The following RNF220 variants were observed in gnomAD, a reference collection of about 807,000 sequenced individuals.
The protein encoded by RNF220 is E3 ubiquitin-protein ligase RNF220.
In RNF220, 7 loss-of-function variants were observed where a neutral mutation model predicts 67.1. The ratio of observed to expected loss-of-function variants is 0.10; its 90% confidence interval spans 0.06 to 0.20. RNF220 has a LOEUF of 0.20. Among genes scored for constraint, RNF220 ranks in the 10% least tolerant of loss-of-function variants. RNF220 has a pLI of 1.00. For synonymous variants in RNF220, 270 were observed against 283.2 expected (o/e 0.95, Z 0.47); for missense variants, 565 against 740.3 (o/e 0.76, Z 2.75).
At chr1:44,566,496 G>A (rs1269176349) in intron 2 of RNF220, among the ~76,000 whole-genome samples, 1 of 152,216 alleles carries the variant, frequency 6.6e-6, no homozygotes, top group African/African-American at 2.4e-5. Context: ...CTGGCTGTCA[G>A]AGTCCCTCTG....
chr1:44,541,060 G>A (rs1434501325), intron 2 of RNF220, among the ~76,000 whole-genome samples: 3 of 152,178 alleles, frequency 2.0e-5, no homozygotes, highest in African/African-American at 7.2e-5. Flanking sequence ...ACAACTGAGA[G>A]GTAGGTATCC....
chr1:44,490,062 T>G (rs1656712653), intron 2 of RNF220, among the ~76,000 whole-genome samples: 1 of 152,254 alleles, frequency 6.6e-6, no homozygotes, highest in Non-Finnish European at 1.5e-5. Context: ...ATCTTTGAAT[T>G]TCTATATTAT....
intron 2 of RNF220, among the ~76,000 whole-genome samples, chr1:44,460,204 T>G (rs1158760494): frequency 6.6e-6 from 1 of 152,204 alleles, no homozygotes; most frequent in Non-Finnish European, 1.5e-5. Flanking sequence ...TTAGAGGGCA[T>G]TAATTCACTG....
intron 2 of RNF220, among the ~76,000 whole-genome samples, chr1:44,498,420 T>C (rs1047543703): frequency 1.3e-5 from 2 of 152,184 alleles, no homozygotes; most frequent in African/African-American, 4.8e-5. Context: ...TGTAGGGCTC[T>C]GTATACCCCA....
chr1:44,483,674 G>A (rs1442609652), intron 2 of RNF220, among the ~76,000 whole-genome samples: 1 of 152,192 alleles, frequency 6.6e-6, no homozygotes, highest in East Asian at 1.9e-4. Context: ...GGAGCTATGA[G>A]AACATAGCGG....
At position 44,546,727 on chromosome 1, in the gene RNF220, C is replaced by T. The variant is rs762924214; in HGVS notation, c.626-67438C>T. Reference sequence around the variant, plus strand: ...ACCTCGGGCATCACTCCTGACCCCTCGCTGGCACCCCAAAGCTGGGACTTC... The same window carrying T: ...ACCTCGGGCATCACTCCTGACCCCTTGCTGGCACCCCAAAGCTGGGACTTC... On this transcript the variant is annotated intron_variant, in intron 2 of 14. Coordinates refer to ENST00000361799, the MANE Select transcript of RNF220 (RefSeq NM_018150.4). 4.0e-4 allele frequency among the ~76,000 whole-genome samples: 61 copies of T among 152,312 alleles called. 1 individual carries two copies. Among genetic ancestry groups the T allele is most frequent in the Non-Finnish European group, 5.9e-5 (4 of 68,020 alleles).
chr1:44,646,031 T>C (rs1160887451), intron 12 of RNF220, among the ~76,000 whole-genome samples: 2 of 152,198 alleles, frequency 1.3e-5, no homozygotes, highest in Admixed American at 6.5e-5. Context: ...AGATTTGGTA[T>C]CAGCTGGGCA....
chr1:44,491,032 CAAG>C (rs148863293), intron 2 of RNF220, among the ~76,000 whole-genome samples: 3,434 of 152,160 alleles, frequency 0.023, 153 homozygotes, highest in African/African-American at 0.079. Flanking sequence ...GAAACTGACT[CAAG>C]AAGAAGAAAA....
chr1:44,579,009 C>T (rs1438320871), intron 2 of RNF220, among the ~76,000 whole-genome samples: 1 of 151,650 alleles, frequency 6.6e-6, no homozygotes. Flanking sequence ...ACTAAAAATA[C>T]AAAAAAATTA....
chr1:44,577,943 C>T (rs555991526), intron 2 of RNF220, among the ~76,000 whole-genome samples: 1 of 150,920 alleles, frequency 6.6e-6, no homozygotes, highest in East Asian at 2.0e-4. Context: ...CTCAAGTGAT[C>T]CTCTTACCTC....
At chr1:44,636,510 A>G (rs922051288) in intron 8 of RNF220, 2 of 705,606 alleles carry the variant, frequency 2.8e-6, no homozygotes, top group African/African-American at 3.5e-5. Context: ...ATCCCTCTTA[A>G]GGCTGATAAA....
intron 2 of RNF220, among the ~76,000 whole-genome samples, chr1:44,540,858 C>T (rs1226063752): frequency 6.6e-6 from 1 of 152,020 alleles, no homozygotes; most frequent in Non-Finnish European, 1.5e-5. Flanking sequence ...TCTGAGAGCA[C>T]GAGTCAGGTC....
At chr1:44,522,298 T>A (rs1336955340) in intron 2 of RNF220, among the ~76,000 whole-genome samples, 1 of 152,200 alleles carries the variant, frequency 6.6e-6, no homozygotes, top group African/African-American at 2.4e-5. Flanking sequence ...TAAGAGCCTC[T>A]TTTCCTATCC....
At position 44,650,120 on chromosome 1, in the gene RNF220, G is replaced by A. The variant is rs554060997; in HGVS notation, c.1629+163G>A. The stretch of plus-strand genomic sequence containing the variant: ...CCGCAGGATATTTACCCCCAGGCTC[G>A]CTGCCTCTCCTCCCCAACTGCAGGT... On this transcript the variant is annotated intron_variant, in intron 14 of 14. Coordinates refer to ENST00000361799, the MANE Select transcript of RNF220 (RefSeq NM_018150.4). The surrounding 1 kb of genome is among the most constrained non-coding windows in gnomAD (Gnocchi z 4.3). The A allele has an allele frequency of 4.4e-4, 310 of 709,752 alleles. 1 individual carries two copies. Among genetic ancestry groups the A allele is most frequent in the Non-Finnish European group, 6.4e-4 (278 of 435,112 alleles). The allele number at this position is 709,752 out of a possible 1,614,324, so 44.0% of individuals were successfully genotyped here.
intron 2 of RNF220, among the ~76,000 whole-genome samples, chr1:44,529,572 C>T (rs1461530747): frequency 1.3e-5 from 2 of 152,176 alleles, no homozygotes; most frequent in African/African-American, 4.8e-5. Context: ...GATGGAGTCT[C>T]ACTATGTTGT....
intron 2 of RNF220, among the ~76,000 whole-genome samples, chr1:44,452,914 A>T (rs915218044): frequency 2.0e-5 from 3 of 152,216 alleles, no homozygotes; most frequent in Non-Finnish European, 4.4e-5. Flanking sequence ...AAGTATTTTG[A>T]TCAGAAACTC....
At chr1:44,520,908 GT>G (rs1659885611) in intron 2 of RNF220, among the ~76,000 whole-genome samples, 1 of 151,984 alleles carries the variant, frequency 6.6e-6, no homozygotes, top group Non-Finnish European at 1.5e-5. Flanking sequence ...TTTTGTTTTT[GT>G]TTTTGAGATG....
chr1:44,516,872 A>G (rs1659490406), intron 2 of RNF220, among the ~76,000 whole-genome samples: 1 of 151,916 alleles, frequency 6.6e-6, no homozygotes, highest in Non-Finnish European at 1.5e-5. Context: ...CACACTGCCT[A>G]TTTACCACCA....
chr1:44,420,044 A>G (rs1649036424), intron 2 of RNF220, among the ~76,000 whole-genome samples: 1 of 152,208 alleles, frequency 6.6e-6, no homozygotes, highest in Admixed American at 6.5e-5. Context: ...CCAAAGTTGC[A>G]AACAGTCAAG....
Sources: allele counts gnomAD v4.1 joint callset (sites outside exome capture counted in the v4.1 genomes callset), GRCh38; gene constraint gnomAD v4.1.1; non-coding constraint Gnocchi (gnomAD v3.1); transcripts MANE v1.5; gene names NCBI Gene and HGNC (gene_info 2026-07-23, HGNC 2026-07-21).